The following CADM2 variants were observed in gnomAD, a reference collection of about 807,000 sequenced individuals.
CADM2 encodes immunoglobulin superfamily member 4D.
A neutral mutation model predicts 49.8 loss-of-function variants in CADM2; 12 were observed. The ratio of observed to expected loss-of-function variants is 0.24; its 90% CI spans 0.15 to 0.39. The LOEUF is 0.39. Among genes scored for constraint, CADM2 ranks in the 10% least tolerant of loss-of-function variants. The pLI, the probability that CADM2 is intolerant of heterozygous loss-of-function variation, is 1.00. For missense variants in CADM2, 378 were observed against 492.3 expected (o/e 0.77, Z 2.20); for synonymous variants, 214 against 175.4 (o/e 1.22, Z -1.74).
chr3:85,596,986 G>A (rs1377291202), intron 1 of CADM2, among the ~76,000 whole-genome samples: 1 of 152,012 alleles, frequency 6.6e-6, no homozygotes, highest in Non-Finnish European at 1.5e-5. Context: ...CAAAATGCTG[G>A]GATTACAGGT....
At position 85,568,444 on chromosome 3, in the gene CADM2, T is replaced by TTTCTTTCTTTCA. The variant is rs1491277509; in HGVS notation, c.62-158067_62-158066insATTCTTTCTTTC. On this transcript the variant is annotated intron_variant, in intron 1 of 9. Coordinates refer to ENST00000383699, the MANE Select transcript of CADM2 (RefSeq NM_001167675.2). The stretch of plus-strand genomic sequence containing the variant: ...CTTTCTTTCTTTCTTTCTTTCTTTC[T>TTTCTTTCTTTCA]TTCTTTCTTTCTTTCTTTCTCTTTC... 3.6e-3 allele frequency among the ~76,000 whole-genome samples: 138 copies of TTTCTTTCTTTCA among 37,810 alleles called. 14 individuals are homozygous for TTTCTTTCTTTCA. The East Asian group carries it at 0.069, about 19-fold the overall frequency. 24.8% of individuals were successfully genotyped at this position (37,810 alleles called of 152,430 possible). A position where few individuals can be genotyped will look rare whatever the true frequency, so the allele number is the denominator to read the frequency against.
chr3:85,664,321 A>T (rs1363535536), intron 1 of CADM2, among the ~76,000 whole-genome samples: 1 of 152,014 alleles, frequency 6.6e-6, no homozygotes, highest in South Asian at 2.1e-4. Flanking sequence ...CTATAGCTAC[A>T]GGCATTTTCA....
At chr3:85,707,060 G>A (rs931974018) in intron 1 of CADM2, among the ~76,000 whole-genome samples, 1 of 151,936 alleles carries the variant, frequency 6.6e-6, no homozygotes, top group Non-Finnish European at 1.5e-5. Flanking sequence ...TCAGCCTCCC[G>A]GGCTCAAGAG....
chr3:85,996,332 C>G, intron 8 of CADM2, among the ~76,000 whole-genome samples: 1 of 128,646 alleles, frequency 7.8e-6, no homozygotes, highest in South Asian at 2.6e-4. Context: ...CGGAGTCTCA[C>G]TCTGTCACCA....
chr3:85,110,484 G>T (rs766620232), intron 1 of CADM2, among the ~76,000 whole-genome samples: 3 of 151,474 alleles, frequency 2.0e-5, no homozygotes, highest in Non-Finnish European at 4.4e-5. Flanking sequence ...GAAGAGAAGG[G>T]GAAAACAAAG....
chr3:85,588,384 C>CTGCTAGTTGATTGGAGGGA (rs2063002800), intron 1 of CADM2, among the ~76,000 whole-genome samples: 1 of 151,962 alleles, frequency 6.6e-6, no homozygotes, highest in Non-Finnish European at 1.5e-5. Context: ...ATACTCACCC[C>CTGCTAGTTGATTGGAGGGA]ACATTGACAG....
intron 1 of CADM2, among the ~76,000 whole-genome samples, chr3:85,403,009 C>CA (rs1466989382): frequency 6.6e-6 from 1 of 152,112 alleles, no homozygotes; most frequent in Admixed American, 6.6e-5. Context: ...ATTATTGCCT[C>CA]ACGGTAAACA....
chr3:85,088,947 AGT>A (rs2037489658), intron 1 of CADM2, among the ~76,000 whole-genome samples: 1 of 152,112 alleles, frequency 6.6e-6, no homozygotes, highest in Non-Finnish European at 1.5e-5. Context: ...AGATGTGTTT[AGT>A]AGGCACGGGA....
chr3:85,096,791 T>C (rs2037813177), intron 1 of CADM2, among the ~76,000 whole-genome samples: 1 of 152,164 alleles, frequency 6.6e-6, no homozygotes, highest in African/African-American at 2.4e-5. Context: ...ATATAAAGTA[T>C]ACTAATCCAT....
intron 1 of CADM2, among the ~76,000 whole-genome samples, chr3:85,354,618 C>CCAGAGAGAGAGAGAGAGAGAGAG (rs1553712787): frequency 2.3e-5 from 3 of 130,158 alleles, no homozygotes; most frequent in Non-Finnish European, 4.9e-5. Flanking sequence ...GAATACCTAA[C>CCAGAGAGAGAGAGAGAGAGAGAG]AGAGAGAGAG....
intron 1 of CADM2, among the ~76,000 whole-genome samples, chr3:85,622,194 GT>G (rs912272277): frequency 1.3e-5 from 2 of 151,628 alleles, no homozygotes; most frequent in Non-Finnish European, 2.9e-5. Context: ...TTGGGGATTT[GT>G]TTTTTTTCTG....
chr3:85,173,548 G>A (rs183472799), intron 1 of CADM2, among the ~76,000 whole-genome samples: 61 of 152,220 alleles, frequency 4.0e-4, no homozygotes, highest in Admixed American at 2.1e-3. Context: ...TTATGAGTGA[G>A]TGACAATTTG....
intron 1 of CADM2, among the ~76,000 whole-genome samples, chr3:85,375,653 A>T (rs1559807973): frequency 1.3e-5 from 2 of 152,176 alleles, no homozygotes; most frequent in Non-Finnish European, 2.9e-5. Context: ...GCCAACACGA[A>T]CAAACGAACA....
chr3:85,855,641 T>TATATATA (rs71112122), intron 3 of CADM2, among the ~76,000 whole-genome samples: 8 of 133,130 alleles, frequency 6.0e-5, no homozygotes, highest in South Asian at 2.4e-4. Context: ...TATATATATA[T>TATATATA]TTTGAGACGG....
chr3:85,319,883 G>A (rs190093682), intron 1 of CADM2, among the ~76,000 whole-genome samples: 2 of 152,202 alleles, frequency 1.3e-5, no homozygotes, highest in Admixed American at 1.3e-4. Context: ...GACATGAGCT[G>A]TTCTATTTAA....
At chr3:85,198,138 TG>T (rs574171006) in intron 1 of CADM2, among the ~76,000 whole-genome samples, 1 of 151,996 alleles carries the variant, frequency 6.6e-6, no homozygotes, top group East Asian at 1.9e-4. Flanking sequence ...CTAGTACACA[TG>T]TATTGAAACA....
intron 2 of CADM2, among the ~76,000 whole-genome samples, chr3:85,788,608 A>G (rs917808130): frequency 1.3e-5 from 2 of 152,112 alleles, no homozygotes; most frequent in Non-Finnish European, 2.9e-5. Context: ...AATAACGTCA[A>G]AATATACATA....
chr3:85,372,337 T>TTATA (rs150877241), intron 1 of CADM2, among the ~76,000 whole-genome samples: 20 of 149,360 alleles, frequency 1.3e-4, no homozygotes, highest in Middle Eastern at 3.5e-3. Flanking sequence ...TAGATGAAAT[T>TTATA]TATATATATA....
At chr3:86,013,689 G>A in intron 8 of CADM2, 1 of 1,601,488 alleles carries the variant, frequency 6.2e-7, no homozygotes, top group Non-Finnish European at 8.5e-7. Flanking sequence ...GGGGTTTGTT[G>A]ATGAATCTCA....
Sources: allele counts gnomAD v4.1 joint callset (sites outside exome capture counted in the v4.1 genomes callset), GRCh38; gene constraint gnomAD v4.1.1; transcripts MANE v1.5; gene names NCBI Gene and HGNC (gene_info 2026-07-23, HGNC 2026-07-21).